HYCC1: variants seen among roughly 807,000 people sequenced by gnomAD.
HYCC1 encodes the protein hyccin PI4KA lipid kinase complex subunit 1.
chr7:22,979,486 T>C, the HYCC1 span, among the ~76,000 whole-genome samples: 3 of 152,102 alleles, frequency 2.0e-5, no homozygotes, highest in East Asian at 3.8e-4. Flanking sequence ...CATTCAGAGA[T>C]AGCAAGAAAA....
the HYCC1 span, among the ~76,000 whole-genome samples, chr7:22,925,851 G>A: frequency 3.7e-3 from 561 of 152,218 alleles, 5 homozygotes; most frequent in African/African-American, 0.013. Context: ...GATACTCCTC[G>A]AGAAGAACAA....
chr7:22,931,292 G>A, the HYCC1 span, among the ~76,000 whole-genome samples: 24 of 148,314 alleles, frequency 1.6e-4, no homozygotes, highest in African/African-American at 4.0e-4. Context: ...TCACCACTAC[G>A]AGTGGTGACA....
chr7:22,948,247 C>T, the HYCC1 span, among the ~76,000 whole-genome samples: 35 of 152,026 alleles, frequency 2.3e-4, no homozygotes, highest in African/African-American at 8.0e-4. Context: ...AACTGTAGAC[C>T]ACAAACCTGC....
the HYCC1 span, chr7:22,960,447 A>G: frequency 1.3e-6 from 2 of 1,563,094 alleles, no homozygotes; most frequent in Non-Finnish European, 1.8e-6. Context: ...TAAGATCAAC[A>G]TGAGCAGATA....
the HYCC1 span, among the ~76,000 whole-genome samples, chr7:22,950,638 GA>G: frequency 6.6e-6 from 1 of 151,938 alleles, no homozygotes; most frequent in Non-Finnish European, 1.5e-5. Flanking sequence ...CTTTGTTTTG[GA>G]AAAGTGAAGG....
At chr7:22,961,505 T>C in the HYCC1 span, among the ~76,000 whole-genome samples, 1 of 152,208 alleles carries the variant, frequency 6.6e-6, no homozygotes, top group Admixed American at 6.5e-5. Context: ...TAAATGCCTA[T>C]TAATAGCAAA....
At chr7:22,947,640 G>A in the HYCC1 span, among the ~76,000 whole-genome samples, 1 of 152,046 alleles carries the variant, frequency 6.6e-6, no homozygotes, top group Non-Finnish European at 1.5e-5. Flanking sequence ...TTTATGTCAA[G>A]TCTTAGGCAA....
chr7:22,970,350 C>T, the HYCC1 span, among the ~76,000 whole-genome samples: 2 of 152,154 alleles, frequency 1.3e-5, no homozygotes, highest in Non-Finnish European at 2.9e-5. Context: ...CTTATCAAAT[C>T]ATAAATCTGA....
the HYCC1 span, among the ~76,000 whole-genome samples, chr7:22,988,826 T>C: frequency 6.6e-6 from 1 of 152,196 alleles, no homozygotes; most frequent in African/African-American, 2.4e-5. Flanking sequence ...ATGTAACCAA[T>C]CTACCAATGT....
At chr7:23,009,000 T>A in the HYCC1 span, among the ~76,000 whole-genome samples, 1 of 151,990 alleles carries the variant, frequency 6.6e-6, no homozygotes, top group Non-Finnish European at 1.5e-5. Flanking sequence ...ATGTTAGCAA[T>A]CTGTTTAAAA....
At chr7:23,009,030 C>A in the HYCC1 span, among the ~76,000 whole-genome samples, 2 of 151,894 alleles carry the variant, frequency 1.3e-5, no homozygotes, top group South Asian at 4.2e-4. Context: ...ACATCAAAAA[C>A]AAAATTAAGA....
the HYCC1 span, chr7:22,938,127 A>G: frequency 1.3e-5 from 2 of 152,342 alleles, no homozygotes; most frequent in Non-Finnish European, 2.9e-5. Context: ...GAAAGATAAG[A>G]TTACAAACAA....
At chr7:22,908,674 T>C in the HYCC1 span, among the ~76,000 whole-genome samples, 1 of 152,164 alleles carries the variant, frequency 6.6e-6, no homozygotes, top group South Asian at 2.1e-4. Context: ...TTATACCTTG[T>C]GTAGTAAAGA....
the HYCC1 span, chr7:22,934,288 A>G: frequency 6.8e-6 from 1 of 147,620 alleles, no homozygotes; most frequent in Non-Finnish European, 1.5e-5. Context: ...AAACAAGGAA[A>G]GTGCCAGGCT....
At chr7:22,973,531 T>C in the HYCC1 span, among the ~76,000 whole-genome samples, 1 of 152,184 alleles carries the variant, frequency 6.6e-6, no homozygotes, top group Non-Finnish European at 1.5e-5. Flanking sequence ...AGTTAAGAGT[T>C]AGCATTATTT....
the HYCC1 span, among the ~76,000 whole-genome samples, chr7:22,947,834 A>C: frequency 6.6e-6 from 1 of 152,126 alleles, no homozygotes; most frequent in African/African-American, 2.4e-5. Flanking sequence ...GTAATGGCAC[A>C]GGTATAGTTT....
At chr7:22,916,259 C>A in the HYCC1 span, among the ~76,000 whole-genome samples, 5 of 152,290 alleles carry the variant, frequency 3.3e-5, no homozygotes, top group South Asian at 1.0e-3. Context: ...CCTTATCAAC[C>A]AAATTGTCTT....
chr7:23,005,064 C>A, the HYCC1 span, among the ~76,000 whole-genome samples: 1 of 152,204 alleles, frequency 6.6e-6, no homozygotes, highest in Non-Finnish European at 1.5e-5. Flanking sequence ...CTTGGCCTCC[C>A]AAAGTGCTGG....
the HYCC1 span, among the ~76,000 whole-genome samples, chr7:22,974,741 T>A: frequency 1.3e-5 from 2 of 152,184 alleles, no homozygotes; most frequent in Non-Finnish European, 2.9e-5. Context: ...TTTGGCTGTG[T>A]CCCTACTCAA....
Sources: allele counts gnomAD v4.1 joint callset (sites outside exome capture counted in the v4.1 genomes callset), GRCh38; gene constraint gnomAD v4.1.1; transcripts MANE v1.5; gene names NCBI Gene and HGNC (gene_info 2026-07-23, HGNC 2026-07-21).